The following CNGA2 variants were observed in gnomAD, a reference collection of about 807,000 sequenced individuals.
CNGA2 encodes cyclic nucleotide-gated channel alpha-2.
Under a neutral mutation model 35.9 loss-of-function variants are expected in CNGA2, and 22 were observed. That is an observed-to-expected ratio of 0.61 (90% CI 0.44 to 0.88). CNGA2 has a LOEUF of 0.88. CNGA2 is among the 40% of genes least tolerant of loss of function. The pLI is 0.00. For missense variants in CNGA2, 555 were observed against 530.8 expected (o/e 1.05, Z -0.45); for synonymous variants, 217 against 209.2 (o/e 1.04, Z -0.32).
Position 151,739,897 on chromosome X carries a change from T to C in CNGA2, c.374+165T>C, listed in dbSNP as rs187772307. Among the ~76,000 whole-genome samples the C allele has an allele frequency of 3.6e-5, 4 of 112,482 alleles. No individual in the cohort carries two copies. The East Asian group carries it at 1.1e-3, about 32-fold the overall frequency. ...TGTTTTCACCTCCAGAATATTTCCA[T>C]TGTTTCCCCAACAGCCAGTGGCCTA... On this transcript the variant is annotated intron_variant, in intron 4 of 6. Transcript: ENST00000329903.
chrX:151,735,656 A>G (rs2015240378), intron 1 of CNGA2, among the ~76,000 whole-genome samples: 1 of 111,114 alleles, frequency 9.0e-6, no homozygotes, highest in Non-Finnish European at 1.9e-5. Flanking sequence ...ACATATTTTT[A>G]TTATCTACTG....
intron 1 of CNGA2, among the ~76,000 whole-genome samples, chrX:151,736,620 C>A (rs1315828870): frequency 9.0e-6 from 1 of 110,671 alleles, no homozygotes; most frequent in East Asian, 2.8e-4. Context: ...ATGAGACCCA[C>A]CAGCCCCACT....
chrX:151,738,645 C>A, intron 2 of CNGA2, 52 bp downstream of exon 2: 1 of 1,109,988 alleles, frequency 9.0e-7, no homozygotes, highest in Non-Finnish European at 1.2e-6. Context: ...TTCTTCCCAT[C>A]TCTGCCTCAT....
chrX:151,739,525 T>C lies in CNGA2; in HGVS notation c.204-37T>C, dbSNP rs776979425. On this transcript the variant is annotated intron_variant, in intron 3 of 6. Coordinates refer to ENST00000329903, the MANE Select transcript of CNGA2 (RefSeq NM_005140.3). ...TGGTGCTTTCTGAACAGCATGAGTC[T>C]TGGCTCTGGCTCATACTCTTTTTCT... 2.5e-6 allele frequency: 3 copies of C among 1,188,643 alleles called. No individual in the cohort carries two copies. In the Admixed American group the frequency reaches 6.6e-5, roughly 26 times the overall value.
At chrX:151,735,392 C>T (rs751115768) in intron 1 of CNGA2, among the ~76,000 whole-genome samples, 5 of 111,876 alleles carry the variant, frequency 4.5e-5, no homozygotes, top group African/African-American at 6.5e-5. Context: ...CTATTGCAAA[C>T]GTTCTGGCCT....
intron 1 of CNGA2, among the ~76,000 whole-genome samples, chrX:151,736,508 G>C (rs936557991): frequency 8.9e-6 from 1 of 112,013 alleles, no homozygotes; most frequent in African/African-American, 3.2e-5. Flanking sequence ...ACTGGGAAGA[G>C]GGCAGGCCCC....
chrX:151,737,966 T>C (rs750627051), intron 1 of CNGA2, among the ~76,000 whole-genome samples: 48 of 105,401 alleles, frequency 4.6e-4, no homozygotes, highest in African/African-American at 1.5e-3. Context: ...TCAGAGCTCA[T>C]GCTCCTTAGG....
At chrX:151,740,989 A>G (rs2015300112) in intron 5 of CNGA2, 88 bp downstream of exon 5, 2 of 637,134 alleles carry the variant, frequency 3.1e-6, no homozygotes, top group Non-Finnish European at 2.6e-6. Context: ...CTGGATACCA[A>G]TGGCACCTCC....
chrX:151,740,416 G>A (rs942074558), intron 4 of CNGA2, among the ~76,000 whole-genome samples: 1 of 112,421 alleles, frequency 8.9e-6, no homozygotes, highest in Admixed American at 9.3e-5. Flanking sequence ...CTCTAGGGAG[G>A]GATGTGGGAA....
Position 151,743,880 on chromosome X carries a change from G to A in CNGA2, c.1377G>A (p.Glu459=). Residue 459 remains glutamate, a synonymous_variant, in exon 7 of 7, where the codon GAG becomes GAA. Transcript: ENST00000329903. The part of the protein sequence containing the change: ...LKKVRIFHDC[E]AGLLVELVLK... ...AAGTGCGCATCTTCCATGATTGTGAGGCTGGCCTGCTGGTAGAGCTGGTAC... is the reference window on the plus strand; with the variant it reads ...AAGTGCGCATCTTCCATGATTGTGAAGCTGGCCTGCTGGTAGAGCTGGTAC... The A allele has an allele frequency of 8.3e-7, 1 of 1,211,565 alleles. No individual in the cohort carries two copies. Among genetic ancestry groups the A allele is most frequent in the Admixed American group, 2.2e-5 (1 of 46,000 alleles).
Position 151,743,685 on chromosome X carries a change from C to T in CNGA2, c.1182C>T (p.His394=). 1.7e-6 allele frequency: 2 copies of T among 1,211,767 alleles called. No homozygotes were observed. Among genetic ancestry groups the T allele is most frequent in the African/African-American group, 1.7e-5 (1 of 57,756 alleles). Reference sequence around the variant, plus strand: ...AGGCTAAGATCGATGCCGTGAAACACTACATGCAGTTCCGAAAGGTCAGCA... The same window carrying T: ...AGGCTAAGATCGATGCCGTGAAACATTACATGCAGTTCCGAAAGGTCAGCA... ...EFQAKIDAVK[H]YMQFRKVSKG... The change falls in exon 7 of 7, where the codon CAC becomes CAT. Residue 394 remains histidine (H), a synonymous_variant. Transcript: ENST00000329903.
intron 6 of CNGA2, among the ~76,000 whole-genome samples, 164 bp from the exon 7 acceptor site, chrX:151,742,929 T>TATATATATATACATAC (rs2015320935): frequency 1.3e-5 from 1 of 77,447 alleles, no homozygotes; most frequent in Non-Finnish European, 2.3e-5. Context: ...GGGAAGGATA[T>TATATATATATACATAC]ATATATATAT....
intron 3 of CNGA2, 57 bp from the exon 4 acceptor site, chrX:151,739,505 C>T (rs2087763608): frequency 1.8e-6 from 2 of 1,133,300 alleles, no homozygotes; most frequent in South Asian, 2.1e-5. Context: ...GGGACTGGTG[C>T]TTTCTGAACA....
rs1569428385 is a variant in CNGA2, at chrX:151,743,010, ATATATATGTATATATATG to A, written c.590-82_590-65del. On this transcript the variant is annotated intron_variant, in intron 6 of 6. Coordinates refer to ENST00000329903, the MANE Select transcript of CNGA2 (RefSeq NM_005140.3). ...TATATATGTGTATATATATATACACATATATATGTATATATATGCACATATATATGTATATATATACCC... is the reference window on the plus strand; with the variant it reads ...TATATATGTGTATATATATATACACACACATATATATGTATATATATACCC... 86 of 75,637 alleles carry A rather than the reference ATATATATGTATATATATG, an allele frequency of 1.1e-3. 6 individuals are homozygous for A. Among genetic ancestry groups the A allele is most frequent in the African/African-American group, 6.6e-3 (21 of 3,206 alleles). The allele number at this position is 75,637 out of a possible 1,213,427, so 6.2% of individuals were successfully genotyped here.
Position 151,743,563 on chromosome X carries a change from A to G in CNGA2, c.1060A>G (p.Ile354Val), listed in dbSNP as rs1402557966. Residue 354 changes from isoleucine to valine, a missense_variant, in exon 7 of 7, where the codon ATC becomes GTC. Transcript: ENST00000329903. ...AAAGGATGAGGAGTACCTATTTGTCATCTTTGACTTCCTGATTGGCGTCCT... is the reference window on the plus strand; with the variant it reads ...AAAGGATGAGGAGTACCTATTTGTCGTCTTTGACTTCCTGATTGGCGTCCT... The part of the protein sequence containing the change: ...PVKDEEYLFV[I>V]FDFLIGVLIF... 1 of 1,209,121 alleles carries G rather than the reference A, an allele frequency of 8.3e-7. No individual in the cohort carries two copies. The highest frequency in any genetic ancestry group is 1.1e-6 in the Non-Finnish European group (1 of 895,094).
Position 151,738,512 on chromosome X carries a change from G to A in CNGA2, c.29G>A (p.Ser10Asn), listed in dbSNP as rs751965597. 1 of 1,211,338 alleles carries A rather than the reference G, an allele frequency of 8.3e-7. No individual in the cohort carries two copies. The highest frequency in any genetic ancestry group is 1.1e-6 in the Non-Finnish European group (1 of 895,178). Reference protein sequence around the residue: MTEKTNGVKSSPANNHNHHA... With the variant: MTEKTNGVKNSPANNHNHHA... Reference sequence around the variant, plus strand: ...ACCGAAAAAACCAATGGTGTGAAGAGCTCCCCAGCCAATAATCACAACCAT... The same window carrying A: ...ACCGAAAAAACCAATGGTGTGAAGAACTCCCCAGCCAATAATCACAACCAT... Residue 10 changes from serine (S) to asparagine (N), a missense_variant, in exon 2 of 7, where the codon AGC becomes AAC. Ser to Asn is a conservative substitution (Grantham distance 46). Coordinates refer to ENST00000329903, the MANE Select transcript of CNGA2 (RefSeq NM_005140.3).
chrX:151,742,937 T>C (rs142147022), intron 6 of CNGA2, among the ~76,000 whole-genome samples, 156 bp from the exon 7 acceptor site: 809 of 79,046 alleles, frequency 0.01, 40 homozygotes, highest in African/African-American at 0.042. Flanking sequence ...TATATATATA[T>C]ATATGTATAT....
rs766958484 is a variant in CNGA2 at position 151,743,242 on chromosome X, T to C, written c.739T>C (p.Phe247Leu). ...AVDIHSPEVR[F>L]NRLLHFARMF... ...GGACATCCACAGCCCTGAGGTGCGCTTCAACCGCCTGCTGCACTTTGCCCG... is the reference window on the plus strand; with the variant it reads ...GGACATCCACAGCCCTGAGGTGCGCCTCAACCGCCTGCTGCACTTTGCCCG... The change falls in exon 7 of 7, where the codon TTC (phenylalanine) becomes CTC (leucine). Residue 247 changes from phenylalanine (F) to leucine (L), a missense_variant. Transcript: ENST00000329903. The C allele has an allele frequency of 6.7e-6, 8 of 1,202,433 alleles. No individual in the cohort carries two copies. In the South Asian group the frequency reaches 1.4e-4, roughly 21 times the overall value.
At chrX:151,741,394 G>A (rs1390498231) in intron 5 of CNGA2, among the ~76,000 whole-genome samples, 1 of 111,694 alleles carries the variant, frequency 9.0e-6, no homozygotes, top group East Asian at 2.8e-4. Context: ...TGCAGGCTAA[G>A]TTCAAAAGCC....
Sources: gnomAD v4.1 joint callset for allele counts (sites outside exome capture counted in the v4.1 genomes callset) on GRCh38, gnomAD v4.1.1 for gene constraint, MANE v1.5 for transcripts, NCBI Gene and HGNC (gene_info 2026-07-23, HGNC 2026-07-21) for gene names.